The following GRID2 variants were observed in gnomAD, a reference collection of about 807,000 sequenced individuals.
The protein encoded by GRID2 is glutamate receptor ionotropic, delta-2.
A neutral mutation model predicts 114.8 loss-of-function variants in GRID2; 33 were observed. The ratio of observed to expected loss-of-function variants is 0.29; its 90% CI spans 0.22 to 0.38. GRID2 has a LOEUF of 0.38. Ranked by LOEUF, GRID2 falls within the 10% of genes least tolerant of loss-of-function variation. The pLI, the probability that GRID2 is intolerant of heterozygous loss-of-function variation, is 1.00. For synonymous variants in GRID2, 505 were observed against 449.9 expected (o/e 1.12, Z -1.55); for missense variants, 1,184 against 1,257.7 (o/e 0.94, Z 0.89).
intron 2 of GRID2, among the ~76,000 whole-genome samples, chr4:92,927,110 T>C (rs1253514680): frequency 3.9e-5 from 6 of 151,952 alleles, no homozygotes; most frequent in Non-Finnish European, 7.4e-5. Flanking sequence ...TCTAGTATTA[T>C]GAACTTGGAG....
intron 3 of GRID2, among the ~76,000 whole-genome samples, chr4:93,106,127 A>G (rs1185887350): frequency 6.6e-6 from 1 of 152,192 alleles, no homozygotes; most frequent in Non-Finnish European, 1.5e-5. Context: ...TGGAAACTAC[A>G]GAAACTTCTT....
intron 2 of GRID2, among the ~76,000 whole-genome samples, chr4:93,022,123 T>A (rs1433129614): frequency 2.0e-5 from 3 of 151,796 alleles, no homozygotes. Flanking sequence ...TCCATAGATA[T>A]TCTTTCATAA....
At chr4:92,811,277 T>C (rs747323998) in intron 2 of GRID2, among the ~76,000 whole-genome samples, 15 of 152,156 alleles carry the variant, frequency 9.9e-5, no homozygotes, top group Non-Finnish European at 2.2e-4. Context: ...AACATATCCA[T>C]ACCTTTTTTA....
rs576500371 is a variant in GRID2 at position 92,619,464 on chromosome 4, T to G, written c.244+29178T>G. On this transcript the variant is annotated intron_variant, in intron 2 of 15. Coordinates refer to ENST00000282020, the MANE Select transcript of GRID2 (RefSeq NM_001510.4). ...AAAATTTCTGACTAGTATTCTAATC[T>G]GTTGCTTGACCAAGCTTGTATTGCA... Among the ~76,000 whole-genome samples the G allele has an allele frequency of 7.2e-5, 11 of 151,876 alleles. 1 individual carries two copies. The highest frequency in any genetic ancestry group is 6.8e-3 in the Middle Eastern group (2 of 294).
chr4:92,871,289 T>G (rs963011421), intron 2 of GRID2, among the ~76,000 whole-genome samples: 1 of 152,032 alleles, frequency 6.6e-6, no homozygotes, highest in Non-Finnish European at 1.5e-5. Context: ...CAATGGTCAT[T>G]TAGCCACTGG....
chr4:92,539,041 C>CAAAAAA (rs36120695), intron 1 of GRID2, among the ~76,000 whole-genome samples: 1 of 102,226 alleles, frequency 9.8e-6, no homozygotes. Context: ...GACTCCATCT[C>CAAAAAA]AAAAAAAAAA....
At chr4:93,679,641 A>T (rs904412047) in intron 14 of GRID2, among the ~76,000 whole-genome samples, 2 of 151,092 alleles carry the variant, frequency 1.3e-5, no homozygotes, top group Non-Finnish European at 2.9e-5. Flanking sequence ...AAACCGCTCA[A>T]CTACATGGAA....
At chr4:93,560,413 A>G (rs982182864) in intron 13 of GRID2, among the ~76,000 whole-genome samples, 3 of 151,930 alleles carry the variant, frequency 2.0e-5, no homozygotes, top group African/African-American at 4.8e-5. Context: ...AAGCAGGCAC[A>G]TCACATGGTG....
At chr4:93,456,787 T>G (rs913449276) in intron 11 of GRID2, among the ~76,000 whole-genome samples, 14 of 152,318 alleles carry the variant, frequency 9.2e-5, no homozygotes, top group African/African-American at 3.4e-4. Context: ...ATAACATCTT[T>G]CTTTTTATTC....
chr4:92,959,851 T>C (rs1484897355), intron 2 of GRID2, among the ~76,000 whole-genome samples: 1 of 151,844 alleles, frequency 6.6e-6, no homozygotes, highest in East Asian at 1.9e-4. Flanking sequence ...CTGGGGCCTA[T>C]TGGGGGATAG....
chr4:93,444,457 G>GA (rs1443268589), intron 10 of GRID2, among the ~76,000 whole-genome samples: 1 of 151,678 alleles, frequency 6.6e-6, no homozygotes, highest in African/African-American at 2.4e-5. Context: ...TGCTGTCAGA[G>GA]AAAAAAATCT....
At chr4:92,330,563 T>A (rs1391872204) in intron 1 of GRID2, among the ~76,000 whole-genome samples, 1 of 152,150 alleles carries the variant, frequency 6.6e-6, no homozygotes, top group Non-Finnish European at 1.5e-5. Flanking sequence ...AATGCTTAGA[T>A]AAATTTTTAT....
chr4:92,965,399 A>G (rs1753072974), intron 2 of GRID2, among the ~76,000 whole-genome samples: 1 of 139,310 alleles, frequency 7.2e-6, no homozygotes, highest in Non-Finnish European at 1.5e-5. Flanking sequence ...TGTTGGAAAA[A>G]TTGTGCAAAT....
intron 2 of GRID2, among the ~76,000 whole-genome samples, chr4:92,871,382 T>A (rs934115929): frequency 3.3e-5 from 5 of 152,164 alleles, no homozygotes; most frequent in African/African-American, 1.2e-4. Context: ...TTTTATTTTG[T>A]TTTGGTTTGT....
intron 14 of GRID2, among the ~76,000 whole-genome samples, chr4:93,637,904 T>A (rs1285695362): frequency 6.6e-6 from 1 of 152,168 alleles, no homozygotes; most frequent in Non-Finnish European, 1.5e-5. Flanking sequence ...TCAAATAAAC[T>A]AACATCATAA....
chr4:92,674,666 C>T (rs543314748), intron 2 of GRID2, among the ~76,000 whole-genome samples: 1 of 152,142 alleles, frequency 6.6e-6, no homozygotes, highest in East Asian at 1.9e-4. Flanking sequence ...GGATTACAGG[C>T]ACCTACCACC....
chr4:93,321,905 A>G (rs1388324377), intron 8 of GRID2, among the ~76,000 whole-genome samples: 1 of 151,918 alleles, frequency 6.6e-6, no homozygotes, highest in Non-Finnish European at 1.5e-5. Flanking sequence ...ATTTCTATTC[A>G]GTGATTTATT....
chr4:93,366,482 A>T (rs555123871), intron 8 of GRID2, among the ~76,000 whole-genome samples: 1 of 152,206 alleles, frequency 6.6e-6, no homozygotes, highest in South Asian at 2.1e-4. Flanking sequence ...TCCTGATAAG[A>T]TGTTGTCAAT....
chr4:93,644,503 A>T (rs902944566), intron 14 of GRID2, among the ~76,000 whole-genome samples: 1 of 152,042 alleles, frequency 6.6e-6, no homozygotes. Context: ...TTTTGTTCTG[A>T]TGATTTTTCT....
Sources: allele counts gnomAD v4.1 joint callset (sites outside exome capture counted in the v4.1 genomes callset), GRCh38; gene constraint gnomAD v4.1.1; transcripts MANE v1.5; gene names NCBI Gene and HGNC (gene_info 2026-07-23, HGNC 2026-07-21).